Variants in DISC1 observed in about 807,000 individuals in gnomAD.
DISC1 encodes disrupted in schizophrenia 1 protein.
DISC1 carries 57 observed loss-of-function variants against 84.5 expected under a neutral mutation model. The ratio of observed to expected loss-of-function variants is 0.67; its 90% CI spans 0.55 to 0.84. The LOEUF is 0.84. Ranked by LOEUF, DISC1 falls within the 40% of genes least tolerant of loss-of-function variation. DISC1 has a pLI of 0.00. For missense variants in DISC1, 1,000 were observed against 1,057.8 expected (o/e 0.95, Z 0.76); for synonymous variants, 411 against 415.2 (o/e 0.99, Z 0.12).
chr1:231,921,858 C>T (rs1198744530), intron 9 of DISC1, among the ~76,000 whole-genome samples: 2 of 129,994 alleles, frequency 1.5e-5, no homozygotes, highest in East Asian at 2.2e-4. Context: ...GAGATCTACT[C>T]TTTGGGCAGT....
At chr1:231,848,385 G>A (rs917470425) in intron 9 of DISC1, among the ~76,000 whole-genome samples, 2 of 152,184 alleles carry the variant, frequency 1.3e-5, no homozygotes, top group African/African-American at 4.8e-5. Context: ...ATATTTAAAT[G>A]ACAAGAACTG....
At chr1:231,705,181 G>C (rs956640416) in intron 3 of DISC1, among the ~76,000 whole-genome samples, 53 of 150,630 alleles carry the variant, frequency 3.5e-4, no homozygotes, top group Admixed American at 2.1e-3. Flanking sequence ...CCAGCTACTC[G>C]GGAGGCTGAG....
At chr1:231,839,318 A>G (rs1313110638) in intron 9 of DISC1, among the ~76,000 whole-genome samples, 2 of 152,242 alleles carry the variant, frequency 1.3e-5, no homozygotes, top group African/African-American at 4.8e-5. Flanking sequence ...TAGAAATACT[A>G]CTACTACTAA....
chr1:231,855,293 ATTTCAAAATAACATGTTATATAT>A (rs1286819600), intron 9 of DISC1: 11 of 937,424 alleles, frequency 1.2e-5, no homozygotes, highest in Non-Finnish European at 1.4e-5. Flanking sequence ...ACATATGTAT[ATTTCAAAATAACATGTTATATAT>A]ATAATACATA....
At chr1:231,843,067 A>G (rs934518773) in intron 9 of DISC1, among the ~76,000 whole-genome samples, 2 of 152,206 alleles carry the variant, frequency 1.3e-5, no homozygotes, top group Non-Finnish European at 2.9e-5. Flanking sequence ...AGACACCACC[A>G]GAAAACAGAC....
intron 9 of DISC1, among the ~76,000 whole-genome samples, chr1:231,850,459 C>T (rs1049376850): frequency 1.3e-4 from 20 of 152,342 alleles, no homozygotes; most frequent in African/African-American, 4.6e-4. Context: ...TCTCACATGT[C>T]CTTGGGGTGA....
intron 1 of DISC1, among the ~76,000 whole-genome samples, chr1:231,647,985 T>C (rs1369166807): frequency 6.6e-6 from 1 of 152,256 alleles, no homozygotes; most frequent in Non-Finnish European, 1.5e-5. Flanking sequence ...TTTCTAAATA[T>C]ACAATCATAT....
chr1:231,937,492 G>A (rs903897583), intron 9 of DISC1, among the ~76,000 whole-genome samples: 1 of 152,226 alleles, frequency 6.6e-6, no homozygotes, highest in African/African-American at 2.4e-5. Context: ...TTATGCAACA[G>A]GAGGGACAGC....
At position 231,693,978 on chromosome 1, in the gene DISC1, G is replaced by A. The variant is rs777650012; in HGVS notation, c.220G>A (p.Glu74Lys). The A allele has an allele frequency of 6.8e-6, 11 of 1,613,932 alleles. No homozygotes were observed. The African/African-American group carries it at 8.0e-5, about 12-fold the overall frequency. Residue 74 changes from glutamate to lysine, a missense_variant, in exon 2 of 13, where the codon GAG becomes AAG. This residue lies in a region of DISC1 where 292 missense variants were observed against 280.2 expected (regional missense o/e 1.04). Transcript: ENST00000439617. ...LFRFPGGVSG[E>K]ESHHSESRAR... ...CCGGTTCCCAGGAGGGGTGTCTGGC[G>A]AGGAGTCCCACCACTCGGAGTCCAG...
chr1:231,919,382 G>A lies in DISC1; in HGVS notation c.1982-39446G>A, dbSNP rs367699997. Among the ~76,000 whole-genome samples, 41 of 152,302 alleles carry A rather than the reference G, an allele frequency of 2.7e-4. No homozygotes were observed. The South Asian group carries it at 8.3e-3, about 31-fold the overall frequency. ...CATGCTTGCTTTCAAGTTTTGGGTG[G>A]ATTTCTTTTTCCTCCAATGCTTAAA... On this transcript the variant is annotated intron_variant, in intron 9 of 12. Coordinates refer to ENST00000439617, the MANE Select transcript of DISC1 (RefSeq NM_018662.3).
intron 4 of DISC1, among the ~76,000 whole-genome samples, chr1:231,763,538 A>G (rs1199564021): frequency 2.0e-5 from 3 of 152,228 alleles, no homozygotes; most frequent in African/African-American, 7.2e-5. Flanking sequence ...AACAAAAGCA[A>G]GGTTCCTTTT....
chr1:231,907,828 C>T (rs2088856110), intron 9 of DISC1, among the ~76,000 whole-genome samples: 1 of 152,186 alleles, frequency 6.6e-6, no homozygotes, highest in South Asian at 2.1e-4. Flanking sequence ...ACATCCTCTC[C>T]AGTACCTGTT....
At chr1:231,973,118 C>T (rs929831512) in intron 10 of DISC1, among the ~76,000 whole-genome samples, 7 of 150,364 alleles carry the variant, frequency 4.7e-5, no homozygotes, top group Admixed American at 1.3e-4. Flanking sequence ...GTAATCTCAG[C>T]TCACTGCAAC....
chr1:231,639,325 T>G (rs185441224), intron 1 of DISC1, among the ~76,000 whole-genome samples: 3 of 152,316 alleles, frequency 2.0e-5, no homozygotes, highest in African/African-American at 7.2e-5. Context: ...GATTTTAATT[T>G]GGAGTGGATT....
chr1:231,694,938 C>T lies in DISC1; in HGVS notation c.1047+133C>T, dbSNP rs185710890. ...AAGCTGCAGCAGCTCCTTTTGGAGC[C>T]GGCTGCACAGGATGTTGCTGCACTT... On this transcript the variant is annotated intron_variant, in intron 2 of 12. Coordinates refer to ENST00000439617, the MANE Select transcript of DISC1 (RefSeq NM_018662.3). The T allele has an allele frequency of 6.0e-4, 781 of 1,296,288 alleles. 6 individuals are homozygous for T. Among genetic ancestry groups the T allele is most frequent in the Middle Eastern group, 3.2e-3 (16 of 4,938 alleles). 80.3% of individuals were successfully genotyped at this position (1,296,288 alleles called of 1,614,324 possible). A position where few individuals can be genotyped will look rare whatever the true frequency, so the allele number is the denominator to read the frequency against.
intron 1 of DISC1, among the ~76,000 whole-genome samples, chr1:231,644,105 C>T (rs1279563085): frequency 2.0e-5 from 3 of 152,338 alleles, no homozygotes; most frequent in Non-Finnish European, 4.4e-5. Flanking sequence ...CATGCTTTAT[C>T]TGGCTCCAAC....
intron 3 of DISC1, among the ~76,000 whole-genome samples, chr1:231,718,213 C>T (rs1333480137): frequency 6.6e-6 from 1 of 152,192 alleles, no homozygotes; most frequent in East Asian, 1.9e-4. Flanking sequence ...ATCCTTCGAT[C>T]ATCCTTCAAT....
At chr1:231,835,081 G>C (rs530158003) in intron 9 of DISC1, among the ~76,000 whole-genome samples, 22 of 152,192 alleles carry the variant, frequency 1.4e-4, no homozygotes, top group Non-Finnish European at 2.9e-4. Context: ...GGAGAAGAGA[G>C]TAAAAAGAGG....
intron 4 of DISC1, among the ~76,000 whole-genome samples, chr1:231,755,036 A>AT (rs1234683256): frequency 6.6e-6 from 1 of 152,142 alleles, no homozygotes; most frequent in Admixed American, 6.5e-5. Context: ...ATTAAAAGAC[A>AT]TTTTTCAATT....
Sources: gnomAD v4.1 joint callset for allele counts (sites outside exome capture counted in the v4.1 genomes callset) on GRCh38, gnomAD v4.1.1 for gene constraint, gnomAD v4.1.1 regional missense constraint, MANE v1.5 for transcripts, NCBI Gene and HGNC (gene_info 2026-07-23, HGNC 2026-07-21) for gene names.